RNF212: variants seen among roughly 807,000 people sequenced by gnomAD.
RNF212 encodes the protein probable E3 SUMO-protein ligase RNF212.
RNF212 carries 33 observed loss-of-function variants against 34.7 expected under a neutral mutation model. The observed-to-expected ratio is 0.95, with a 90% CI of 0.72 to 1.27. The LOEUF is 1.27. RNF212 is among the 50% of genes most tolerant of loss of function. RNF212 has a pLI of 0.00. For synonymous variants in RNF212, 140 were observed against 136.1 expected, an observed-to-expected ratio of 1.03 and a Z score of -0.20; for missense variants, 377 against 362.2, an observed-to-expected ratio of 1.04 and a Z score of -0.33.
chr4:1,072,903 A>G lies in RNF212; in HGVS notation c.865T>C (p.Cys289Arg), dbSNP rs1718661189. 1.9e-6 allele frequency: 3 copies of G among 1,612,574 alleles called. No individual in the cohort carries two copies. The highest frequency in any genetic ancestry group is 2.2e-5 in the South Asian group (2 of 90,898). The change falls in exon 10 of 10, where the codon TGC (cysteine) becomes CGC (arginine). Residue 289 changes from cysteine to arginine, a missense_variant. By Grantham distance (180) the Cys-to-Arg change is radical. Coordinates refer to ENST00000433731, the MANE Select transcript of RNF212 (RefSeq NM_001131034.4). ...TPAVSVVFPL[C>R]QFERKKSF ...AATGACTTTTTCCTTTCAAATTGGC[A>G]AAGAGGAAACACAACAGACACAGCG...
chr4:1,058,700 A>G (rs2045065), intron 3 of RNF212, among the ~76,000 whole-genome samples: 123,555 of 152,240 alleles, frequency 0.81, 50,853 homozygotes, highest in African/African-American at 0.94. Flanking sequence ...CTGAATCATC[A>G]GCAGCTGGAT....
At chr4:1,064,279 G>A (rs567208880) in intron 3 of RNF212, among the ~76,000 whole-genome samples, 2 of 152,326 alleles carry the variant, frequency 1.3e-5, no homozygotes, top group African/African-American at 4.8e-5. Flanking sequence ...ATGTGGTTAC[G>A]TTCCACTGGA....
intron 8 of RNF212, among the ~76,000 whole-genome samples, chr4:1,077,493 A>C (rs756471781): frequency 6.6e-6 from 1 of 152,148 alleles, no homozygotes; most frequent in African/African-American, 2.4e-5. Context: ...TTGGCCTCCC[A>C]AAGTGCTGAA....
intron 3 of RNF212, among the ~76,000 whole-genome samples, chr4:1,066,303 T>C (rs1185610356): frequency 1.3e-5 from 2 of 152,154 alleles, no homozygotes; most frequent in East Asian, 3.9e-4. Context: ...TTTGTGTACT[T>C]TGCCTATTCA....
At chr4:1,092,426 G>C (rs1253835445) in intron 3 of RNF212, among the ~76,000 whole-genome samples, 2 of 152,160 alleles carry the variant, frequency 1.3e-5, no homozygotes, top group Non-Finnish European at 2.9e-5. Context: ...TTGTCTGGGT[G>C]TTGCAGGGTC....
intron 3 of RNF212, among the ~76,000 whole-genome samples, chr4:1,062,615 CG>C (rs1176877816): frequency 6.6e-6 from 1 of 152,078 alleles, no homozygotes; most frequent in Non-Finnish European, 1.5e-5. Context: ...CTGTTCTTGC[CG>C]CTTGTATTCA....
intron 7 of RNF212, among the ~76,000 whole-genome samples, chr4:1,080,533 C>T (rs1720158684): frequency 6.6e-6 from 1 of 152,178 alleles, no homozygotes; most frequent in Non-Finnish European, 1.5e-5. Context: ...CCTTCATTGA[C>T]CGTACAGATG....
At chr4:1,082,197 T>C (rs989371166) in intron 5 of RNF212, among the ~76,000 whole-genome samples, 1 of 151,874 alleles carries the variant, frequency 6.6e-6, no homozygotes, top group Non-Finnish European at 1.5e-5. Flanking sequence ...GCAAGAGAAA[T>C]ATGGACAAGT....
chr4:1,092,786 G>A (rs1338193246), intron 3 of RNF212, among the ~76,000 whole-genome samples: 1 of 152,254 alleles, frequency 6.6e-6, no homozygotes, highest in Non-Finnish European at 1.5e-5. Flanking sequence ...CCCGCATCCT[G>A]CGAACTGGGA....
At chr4:1,091,403 T>C (rs373781736) in intron 3 of RNF212, among the ~76,000 whole-genome samples, 11 of 152,204 alleles carry the variant, frequency 7.2e-5, no homozygotes, top group African/African-American at 2.7e-4. Flanking sequence ...AGTCCTGTGA[T>C]TTCCTCAGAG....
At chr4:1,103,069 C>T (rs1724278173) in intron 2 of RNF212, among the ~76,000 whole-genome samples, 1 of 151,590 alleles carries the variant, frequency 6.6e-6, no homozygotes, top group Non-Finnish European at 1.5e-5. Context: ...AAACAAGAGG[C>T]ATCATTATGG....
chr4:1,088,866 C>T (rs1381080261), intron 4 of RNF212, among the ~76,000 whole-genome samples: 1 of 152,210 alleles, frequency 6.6e-6, no homozygotes, highest in African/African-American at 2.4e-5. Context: ...GGTATTGGGC[C>T]TGCATGTGTG....
intron 8 of RNF212, among the ~76,000 whole-genome samples, chr4:1,075,447 C>G (rs1438792730): frequency 1.3e-5 from 2 of 152,162 alleles, no homozygotes; most frequent in Non-Finnish European, 2.9e-5. Flanking sequence ...AGGCGCGTTG[C>G]AGGGCGAGCA....
At chr4:1,062,289 C>G (rs1448900507) in intron 3 of RNF212, among the ~76,000 whole-genome samples, 1 of 152,172 alleles carries the variant, frequency 6.6e-6, no homozygotes, top group Non-Finnish European at 1.5e-5. Context: ...ACACCACGAC[C>G]AACCGGGATT....
intron 3 of RNF212, among the ~76,000 whole-genome samples, chr4:1,061,578 C>T (rs1272432711): frequency 2.0e-5 from 3 of 152,194 alleles, no homozygotes; most frequent in African/African-American, 7.2e-5. Context: ...CGGCTCCCCA[C>T]ATGCACAGAT....
intron 2 of RNF212, among the ~76,000 whole-genome samples, chr4:1,102,638 G>A (rs1460949015): frequency 5.3e-5 from 8 of 151,092 alleles, no homozygotes; most frequent in Non-Finnish European, 8.8e-5. Flanking sequence ...AGATCACGAG[G>A]TCAGGAGATC....
chr4:1,073,479 G>A (rs2290408), intron 9 of RNF212, 120 bp downstream of exon 9: 3 of 816,370 alleles, frequency 3.7e-6, no homozygotes, highest in Non-Finnish European at 6.1e-6. Flanking sequence ...CCCATGCACC[G>A]GGTGGAAGGA....
chr4:1,106,130 G>A (rs1724784134), intron 2 of RNF212, among the ~76,000 whole-genome samples: 1 of 152,186 alleles, frequency 6.6e-6, no homozygotes, highest in Non-Finnish European at 1.5e-5. Flanking sequence ...GGGGGGTGAA[G>A]CAACAGGGAA....
chr4:1,073,850 T>TG, intron 8 of RNF212, 188 bp from the exon 9 acceptor site: 2 of 615,746 alleles, frequency 3.2e-6, no homozygotes, highest in Admixed American at 4.9e-5. Context: ...GTGGTAGAGG[T>TG]GGTGTGGGTG....
Sources: allele counts gnomAD v4.1 joint callset (sites outside exome capture counted in the v4.1 genomes callset), GRCh38; gene constraint gnomAD v4.1.1; transcripts MANE v1.5; gene names NCBI Gene and HGNC (gene_info 2026-07-23, HGNC 2026-07-21).